Variants in GBP7 observed in about 807,000 individuals in gnomAD.
GBP7 encodes the protein guanylate binding protein 7.
Under a neutral mutation model 61.3 loss-of-function variants are expected in GBP7, and 43 were observed. The observed-to-expected ratio is 0.70, with a 90% CI of 0.55 to 0.91. The LOEUF (loss-of-function observed/expected upper bound fraction) is 0.91. Among genes scored for constraint, GBP7 ranks in the 40% least tolerant of loss-of-function variants. GBP7 has a pLI of 0.00. For missense variants in GBP7, 717 were observed against 740.5 expected, an observed-to-expected ratio of 0.97 and a Z score of 0.37; for synonymous variants, 267 against 271.0, an observed-to-expected ratio of 0.99 and a Z score of 0.14.
chr1:89,159,481 C>G (rs1241723808), intron 3 of GBP7, among the ~76,000 whole-genome samples: 1 of 152,104 alleles, frequency 6.6e-6, no homozygotes, highest in Non-Finnish European at 1.5e-5. Context: ...GGGCTAATGT[C>G]CAGTATATAC....
intron 5 of GBP7, among the ~76,000 whole-genome samples, chr1:89,151,455 G>T (rs1454446732): frequency 6.6e-6 from 1 of 152,178 alleles, no homozygotes; most frequent in African/African-American, 2.4e-5. Flanking sequence ...GAAAGAGACG[G>T]AAAATACTCA....
chr1:89,144,681 TTA>T (rs1248551980), intron 8 of GBP7, among the ~76,000 whole-genome samples: 1 of 152,202 alleles, frequency 6.6e-6, no homozygotes, highest in African/African-American at 2.4e-5. Context: ...TGTGAAATGA[TTA>T]TTATAATCAA....
chr1:89,133,493 AGG>A, intron 9 of GBP7, 42 bp from the exon 10 acceptor site: 6 of 1,545,616 alleles, frequency 3.9e-6, no homozygotes, highest in Non-Finnish European at 5.3e-6. Context: ...AATAACAGTC[AGG>A]TGGGAGAAGA....
At chr1:89,164,936 G>C (rs1553126668) in intron 2 of GBP7, 78 bp from the exon 3 acceptor site, 11 of 1,438,476 alleles carry the variant, frequency 7.6e-6, no homozygotes, top group Non-Finnish European at 1.0e-5. Flanking sequence ...TAAATGTATA[G>C]GAACGTTAAG....
chr1:89,147,142 A>C (rs1357498577), intron 8 of GBP7, among the ~76,000 whole-genome samples: 1 of 152,112 alleles, frequency 6.6e-6, no homozygotes, highest in Non-Finnish European at 1.5e-5. Flanking sequence ...TGAACCATTC[A>C]TTTCATCATC....
At chr1:89,152,047 C>CT (rs1178208492) in intron 5 of GBP7, among the ~76,000 whole-genome samples, 1 of 152,140 alleles carries the variant, frequency 6.6e-6, no homozygotes, top group Non-Finnish European at 1.5e-5. Flanking sequence ...TTTGATAGAA[C>CT]TTTGAGATTT....
chr1:89,136,598 T>C (rs1681808044), intron 9 of GBP7, among the ~76,000 whole-genome samples: 1 of 152,120 alleles, frequency 6.6e-6, no homozygotes, highest in Non-Finnish European at 1.5e-5. Context: ...AAATAAATTA[T>C]TTGAAATTAA....
chr1:89,135,140 A>G (rs34143358), intron 9 of GBP7, among the ~76,000 whole-genome samples: 1 of 152,210 alleles, frequency 6.6e-6, no homozygotes, highest in East Asian at 1.9e-4. Context: ...TTAGTCAAAC[A>G]AAAATAAAGA....
intron 8 of GBP7, among the ~76,000 whole-genome samples, chr1:89,146,382 A>G (rs1381902793): frequency 6.6e-6 from 1 of 152,168 alleles, no homozygotes; most frequent in Admixed American, 6.5e-5. Flanking sequence ...GATATTTTTG[A>G]ATTTCACACC....
chr1:89,165,772 G>T (rs4656099), intron 2 of GBP7, among the ~76,000 whole-genome samples: 1 of 151,770 alleles, frequency 6.6e-6, no homozygotes. Flanking sequence ...CTGTTGGGGG[G>T]TGGGGGCTAG....
chr1:89,170,654 A>G (rs1190072208), intron 2 of GBP7, among the ~76,000 whole-genome samples: 4 of 152,208 alleles, frequency 2.6e-5, no homozygotes, highest in African/African-American at 7.2e-5. Flanking sequence ...CAAAGGGGGA[A>G]CTGCAAAAGT....
At chr1:89,154,520 T>G (rs185272188) in intron 3 of GBP7, among the ~76,000 whole-genome samples, 1 of 152,240 alleles carries the variant, frequency 6.6e-6, no homozygotes, top group African/African-American at 2.4e-5. Flanking sequence ...CTAATTTTTG[T>G]ATTTTTAATA....
At position 89,141,651 on chromosome 1, in the gene GBP7, G is replaced by T; in HGVS notation, c.1366-3C>A. On this transcript the variant is annotated splice_region_variant and splice_polypyrimidine_tract_variant and intron_variant, in intron 8 of 10. Coordinates refer to ENST00000294671, the MANE Select transcript of GBP7 (RefSeq NM_207398.3). ...AAGCTCTGGAGGACCTCGTCTGCCT[G>T]AAGAACCAAGAAGGAGCAAAGACCT... is the stretch of plus-strand genomic sequence containing the variant. The T allele has an allele frequency of 6.2e-7, 1 of 1,611,106 alleles. No individual in the cohort carries two copies. Among genetic ancestry groups the T allele is most frequent in the South Asian group, 1.1e-5 (1 of 90,980 alleles).
chr1:89,133,038 G>C (rs1174390362), intron 10 of GBP7, among the ~76,000 whole-genome samples: 1 of 152,178 alleles, frequency 6.6e-6, no homozygotes, highest in Non-Finnish European at 1.5e-5. Context: ...CAGCACCCTG[G>C]GGGATGTCAT....
chr1:89,161,863 A>C (rs1647282162), intron 3 of GBP7, among the ~76,000 whole-genome samples: 1 of 151,996 alleles, frequency 6.6e-6, no homozygotes, highest in African/African-American at 2.4e-5. Flanking sequence ...GTCCTGAATG[A>C]TATGGCCAGG....
chr1:89,138,056 T>C (rs1681849089), intron 9 of GBP7, among the ~76,000 whole-genome samples: 1 of 151,850 alleles, frequency 6.6e-6, no homozygotes, highest in Non-Finnish European at 1.5e-5. Context: ...CAATAGCTAT[T>C]GTGAATAACC....
chr1:89,162,852 G>C (rs1329738794), intron 3 of GBP7, among the ~76,000 whole-genome samples: 1 of 152,172 alleles, frequency 6.6e-6, no homozygotes, highest in Non-Finnish European at 1.5e-5. Flanking sequence ...TTTTCAAGAG[G>C]AATGCTTCCA....
chr1:89,134,170 C>T (rs1681741719), intron 9 of GBP7, among the ~76,000 whole-genome samples: 1 of 152,206 alleles, frequency 6.6e-6, no homozygotes, highest in Admixed American at 6.5e-5. Flanking sequence ...CATACCCTAC[C>T]TAACCATCAT....
intron 2 of GBP7, among the ~76,000 whole-genome samples, chr1:89,167,103 T>G (rs912512202): frequency 1.3e-5 from 2 of 152,222 alleles, no homozygotes; most frequent in African/African-American, 4.8e-5. Flanking sequence ...CTTTCTCTCT[T>G]GTTATTTTAG....
Sources: gnomAD v4.1 joint callset for allele counts (sites outside exome capture counted in the v4.1 genomes callset) on GRCh38, gnomAD v4.1.1 for gene constraint, MANE v1.5 for transcripts, NCBI Gene and HGNC (gene_info 2026-07-23, HGNC 2026-07-21) for gene names.